The following RERE variants were observed in gnomAD, a reference collection of about 807,000 sequenced individuals.
RERE encodes arginine-glutamic acid dipeptide repeats protein.
RERE carries 40 observed loss-of-function variants against 146.1 expected under a neutral mutation model. That is an observed-to-expected ratio of 0.27 (90% CI 0.21 to 0.36). The LOEUF is 0.36. Ranked by LOEUF, RERE falls within the 10% of genes least tolerant of loss-of-function variation. The pLI is 1.00. For synonymous variants in RERE, 1,003 were observed against 866.0 expected, an observed-to-expected ratio of 1.16 and a Z score of -2.78; for missense variants, 1,933 against 2,138.7, an observed-to-expected ratio of 0.90 and a Z score of 1.90.
At chr1:8,597,442 T>G (rs943101143) in intron 4 of RERE, among the ~76,000 whole-genome samples, 27 of 152,192 alleles carry the variant, frequency 1.8e-4, no homozygotes, top group African/African-American at 6.5e-4. Flanking sequence ...AAATTTGTGT[T>G]GCCTCTTGTC....
intron 1 of RERE, among the ~76,000 whole-genome samples, chr1:8,805,087 C>G (rs1231834519): frequency 6.7e-6 from 1 of 149,212 alleles, no homozygotes; most frequent in Non-Finnish European, 1.5e-5. Flanking sequence ...TTCGGCTCAC[C>G]GCAACCTCGG....
intron 7 of RERE, among the ~76,000 whole-genome samples, chr1:8,532,461 C>T (rs1384600244): frequency 2.0e-5 from 3 of 151,976 alleles, no homozygotes; most frequent in African/African-American, 7.2e-5. Context: ...TCACTTGTTA[C>T]CCAGGCTGGA....
intron 1 of RERE, among the ~76,000 whole-genome samples, chr1:8,679,359 T>G (rs1638914032): frequency 6.6e-6 from 1 of 152,184 alleles, no homozygotes; most frequent in South Asian, 2.1e-4. Context: ...TTACACAACG[T>G]GACCCGAGGA....
At chr1:8,778,969 C>G (rs963618858) in intron 1 of RERE, among the ~76,000 whole-genome samples, 1 of 151,956 alleles carries the variant, frequency 6.6e-6, no homozygotes, top group Non-Finnish European at 1.5e-5. Context: ...TGACTCAGCT[C>G]CCAAGTGGCT....
At chr1:8,703,445 G>A (rs1639500369) in intron 1 of RERE, among the ~76,000 whole-genome samples, 4 of 151,782 alleles carry the variant, frequency 2.6e-5, no homozygotes. Flanking sequence ...CCCCGCGACG[G>A]CGGCGGCCGG....
intron 4 of RERE, among the ~76,000 whole-genome samples, chr1:8,583,345 C>T (rs1243114788): frequency 1.3e-5 from 2 of 152,124 alleles, no homozygotes; most frequent in African/African-American, 2.4e-5. Context: ...GATAAACTAC[C>T]ATCAGCCATA....
intron 2 of RERE, among the ~76,000 whole-genome samples, chr1:8,643,012 A>C (rs1647200607): frequency 6.6e-6 from 1 of 152,240 alleles, no homozygotes; most frequent in Admixed American, 6.5e-5. Flanking sequence ...TACCTGGGAT[A>C]CATCGGGGAA....
At chr1:8,465,725 T>C (rs1258110478) in intron 11 of RERE, 200 bp downstream of exon 11, 1 of 665,998 alleles carries the variant, frequency 1.5e-6, no homozygotes, top group Admixed American at 2.1e-5. Flanking sequence ...CCGACATCTA[T>C]GAAGCCTAAT....
intron 11 of RERE, among the ~76,000 whole-genome samples, chr1:8,440,891 C>T (rs1644238617): frequency 6.7e-6 from 1 of 148,264 alleles, no homozygotes; most frequent in Non-Finnish European, 1.5e-5. Context: ...AGGGAGACTC[C>T]ATCTCAAAAA....
chr1:8,516,833 T>C (rs552060292), intron 7 of RERE, among the ~76,000 whole-genome samples: 8 of 152,276 alleles, frequency 5.3e-5, no homozygotes, highest in Admixed American at 1.3e-4. Flanking sequence ...TTGAAAGTCA[T>C]GATGAAAGAG....
rs1473714969 is a variant in RERE at position 8,362,695 on chromosome 1, C to G, written c.1890G>C (p.Lys630Asn). 6.2e-6 allele frequency: 10 copies of G among 1,614,134 alleles called. No homozygotes were observed. The highest frequency in any genetic ancestry group is 7.6e-6 in the Non-Finnish European group (9 of 1,180,062). Residue 630 changes from lysine (K) to asparagine (N), a missense_variant, in exon 16 of 23, where the codon AAG becomes AAC. Around this residue, in one of 11 missense-constraint regions of RERE, gnomAD observed 1,255 missense variants for 1,153.8 expected, o/e 1.09. Transcript: ENST00000400908. Reference sequence around the variant, plus strand: ...CCCAGCACCTGACCTTGGCCGACTTCTTCACTGTCTCTGCTTTACTGTCAT... The same window carrying G: ...CCCAGCACCTGACCTTGGCCGACTTGTTCACTGTCTCTGCTTTACTGTCAT... ...SSNDSKAETV[K>N]KSAKKVKEEA...
intron 4 of RERE, among the ~76,000 whole-genome samples, chr1:8,571,677 C>G (rs573530635): frequency 6.6e-6 from 1 of 152,308 alleles, no homozygotes; most frequent in East Asian, 1.9e-4. Flanking sequence ...ACCTTTAATA[C>G]TAGTTAGTCT....
chr1:8,487,580 C>CTAT (rs1235806193), intron 10 of RERE, among the ~76,000 whole-genome samples: 1 of 152,038 alleles, frequency 6.6e-6, no homozygotes, highest in Admixed American at 6.6e-5. Context: ...TCAAAACAAA[C>CTAT]AAATACAACA....
At chr1:8,794,985 T>TCTACTA (rs1641440597) in intron 1 of RERE, among the ~76,000 whole-genome samples, 5 of 151,848 alleles carry the variant, frequency 3.3e-5, no homozygotes, top group Non-Finnish European at 7.4e-5. Flanking sequence ...GCTAATATTT[T>TCTACTA]TTATTATTTT....
At chr1:8,378,025 A>G (rs1008059476) in intron 12 of RERE, among the ~76,000 whole-genome samples, 1 of 152,250 alleles carries the variant, frequency 6.6e-6, no homozygotes, top group Non-Finnish European at 1.5e-5. Context: ...ATGGATGCAC[A>G]GCAAATTATC....
At chr1:8,411,289 A>G (rs1414994538) in intron 12 of RERE, among the ~76,000 whole-genome samples, 1 of 151,986 alleles carries the variant, frequency 6.6e-6, no homozygotes, top group African/African-American at 2.4e-5. Context: ...ATAGATTTAC[A>G]AGATCAAAAG....
intron 8 of RERE, among the ~76,000 whole-genome samples, chr1:8,499,637 G>A (rs1271897346): frequency 6.6e-6 from 1 of 152,234 alleles, no homozygotes; most frequent in Non-Finnish European, 1.5e-5. Context: ...AGTAGGCCAT[G>A]TGGCTCTCAG....
intron 1 of RERE, among the ~76,000 whole-genome samples, chr1:8,812,457 G>T (rs909869823): frequency 6.6e-6 from 1 of 152,124 alleles, no homozygotes. Flanking sequence ...GACCAGCCTG[G>T]CCAACATGGT....
intron 7 of RERE, among the ~76,000 whole-genome samples, chr1:8,521,494 A>C (rs1645500206): frequency 6.6e-6 from 1 of 152,152 alleles, no homozygotes; most frequent in African/African-American, 2.4e-5. Context: ...TTTAATTAAA[A>C]ATTTAAAAAT....
Sources: gnomAD v4.1 joint callset for allele counts (sites outside exome capture counted in the v4.1 genomes callset) on GRCh38, gnomAD v4.1.1 for gene constraint, gnomAD v4.1.1 regional missense constraint, MANE v1.5 for transcripts, NCBI Gene and HGNC (gene_info 2026-07-23, HGNC 2026-07-21) for gene names.